COA1: variants seen among roughly 807,000 people sequenced by gnomAD.
COA1 encodes the protein cytochrome c oxidase assembly factor 1 homolog.
In COA1, 13 loss-of-function variants were observed where a neutral mutation model predicts 16.0. The observed-to-expected ratio is 0.81, with a 90% CI of 0.53 to 1.29. The LOEUF (loss-of-function observed/expected upper bound fraction) is 1.29, where lower values mean the gene tolerates loss of function less well. Among genes scored for constraint, COA1 ranks in the 50% most tolerant of loss-of-function variants. COA1 has a pLI of 0.00. For synonymous variants in COA1, 65 were observed against 65.7 expected (o/e 0.99, Z 0.05); for missense variants, 179 against 177.0 (o/e 1.01, Z -0.06).
At chr7:43,684,767 AG>A (rs1563360112) in intron 1 of COA1, among the ~76,000 whole-genome samples, 1 of 152,210 alleles carries the variant, frequency 6.6e-6, no homozygotes, top group Non-Finnish European at 1.5e-5. Context: ...CACACTCTAT[AG>A]TACATAAGAA....
intron 4 of COA1, among the ~76,000 whole-genome samples, chr7:43,642,938 G>A (rs763649334): frequency 3.3e-5 from 5 of 152,162 alleles, no homozygotes; most frequent in Non-Finnish European, 7.3e-5. Flanking sequence ...CTCACAAACC[G>A]CTGATTATAA....
rs541221889 is a variant in COA1, at chr7:43,615,509, C to A, written c.*134-6014G>T. Reference sequence around the variant, plus strand: ...TGTACTATAGTATTTTATTAACATACGAAAACTAAAATTGCCTTGAAAAGT... The same window carrying A: ...TGTACTATAGTATTTTATTAACATAAGAAAACTAAAATTGCCTTGAAAAGT... On this transcript the variant is annotated intron_variant and NMD_transcript_variant, in intron 6 of 6. Coordinates refer to the COA1 transcript ENST00000415076. Among the ~76,000 whole-genome samples, 6 of 152,114 alleles carry A rather than the reference C, an allele frequency of 3.9e-5. No homozygotes were observed. In the East Asian group the frequency reaches 9.7e-4, roughly 25 times the overall value.
intron 1 of COA1, among the ~76,000 whole-genome samples, chr7:43,718,200 T>C (rs567062220): frequency 1.5e-3 from 223 of 152,384 alleles, no homozygotes; most frequent in African/African-American, 5.1e-3. Context: ...ACAAATGTAT[T>C]ATTATTTATT....
intron 6 of COA1, among the ~76,000 whole-genome samples, chr7:43,619,015 TAGA>T (rs1361973596): frequency 1.5e-4 from 23 of 152,284 alleles, no homozygotes; most frequent in East Asian, 7.7e-4. Flanking sequence ...GAGGGATCTG[TAGA>T]AGAAGGAAGA....
At chr7:43,663,972 C>A (rs1452584056) in intron 1 of COA1, among the ~76,000 whole-genome samples, 1 of 152,032 alleles carries the variant, frequency 6.6e-6, no homozygotes, top group Non-Finnish European at 1.5e-5. Flanking sequence ...TGGATGATCC[C>A]TTAAGCCCAG....
intron 1 of COA1, among the ~76,000 whole-genome samples, chr7:43,721,404 A>C (rs1486231982): frequency 6.6e-6 from 1 of 152,208 alleles, no homozygotes; most frequent in Non-Finnish European, 1.5e-5. Flanking sequence ...CAACACTGCC[A>C]CCTGTTGGAA....
intron 6 of COA1, chr7:43,622,656 G>A (rs1271146228): frequency 6.6e-6 from 1 of 150,986 alleles, no homozygotes; most frequent in Non-Finnish European, 1.5e-5. Context: ...TCTTTCTATT[G>A]TGTTTATGTG....
chr7:43,633,168 A>T (rs1050277781), intron 6 of COA1: 1 of 152,240 alleles, frequency 6.6e-6, no homozygotes, highest in East Asian at 1.9e-4. Context: ...TGTTTAGTGT[A>T]GCCACTTTCA....
intron 1 of COA1, among the ~76,000 whole-genome samples, chr7:43,666,071 T>C (rs1013462566): frequency 3.9e-5 from 6 of 152,220 alleles, no homozygotes; most frequent in Admixed American, 2.6e-4. Flanking sequence ...CCCTCACAGA[T>C]ACCTCCAGAA....
chr7:43,610,896 C>G (rs778408675), intron 6 of COA1, among the ~76,000 whole-genome samples: 1 of 152,082 alleles, frequency 6.6e-6, no homozygotes, highest in South Asian at 2.1e-4. Flanking sequence ...GAGGGCAGAT[C>G]GCTTGAGGTC....
chr7:43,689,635 C>T (rs2094186701), intron 1 of COA1, among the ~76,000 whole-genome samples: 1 of 152,088 alleles, frequency 6.6e-6, no homozygotes, highest in Non-Finnish European at 1.5e-5. Context: ...TGTTAAAAGG[C>T]ATATTTTCTC....
At chr7:43,718,564 C>T (rs2095441482) in intron 1 of COA1, among the ~76,000 whole-genome samples, 2 of 152,188 alleles carry the variant, frequency 1.3e-5, no homozygotes, top group African/African-American at 4.8e-5. Context: ...GGAGTGACTT[C>T]CCATACAGAA....
intron 6 of COA1, chr7:43,625,529 T>A (rs1194470935): frequency 1.3e-5 from 2 of 152,210 alleles, no homozygotes; most frequent in East Asian, 1.9e-4. Flanking sequence ...TGGGTTTAGG[T>A]GTCAGCTCTT....
In COA1 at chr7:43,729,452, C is replaced by T. The variant is rs559105420; in HGVS notation, c.-62G>A. The T allele has an allele frequency of 6.6e-6, 1 of 152,314 alleles. No homozygotes were observed. The highest frequency in any genetic ancestry group is 1.9e-4 in the East Asian group (1 of 5,204). 9.4% of individuals were successfully genotyped at this position (152,314 alleles called of 1,614,324 possible). A position where few individuals can be genotyped will look rare whatever the true frequency, so the allele number is the denominator to read the frequency against. On this transcript the variant is annotated 5_prime_UTR_variant, in exon 1 of 6. Transcript: ENST00000223336. ...ACCTGTGAGCAACAGAAGCACCACG[C>T]TACAAAGAGCATGACGAGTTCTTCC... is the stretch of plus-strand genomic sequence containing the variant.
intron 1 of COA1, among the ~76,000 whole-genome samples, chr7:43,724,597 A>G (rs1035708509): frequency 6.6e-6 from 1 of 152,142 alleles, no homozygotes; most frequent in African/African-American, 2.4e-5. Flanking sequence ...AGACATTTGT[A>G]TACCAATGTT....
intron 1 of COA1, among the ~76,000 whole-genome samples, chr7:43,661,408 G>C (rs1226639027): frequency 1.3e-5 from 2 of 152,170 alleles, no homozygotes; most frequent in East Asian, 1.9e-4. Context: ...AGGCCAAAGC[G>C]GGCGGATCAC....
At chr7:43,708,538 T>A (rs2095088890) in intron 1 of COA1, among the ~76,000 whole-genome samples, 1 of 152,190 alleles carries the variant, frequency 6.6e-6, no homozygotes, top group Non-Finnish European at 1.5e-5. Context: ...CTATTTAGTA[T>A]TCTGGCAGGT....
At chr7:43,624,583 C>T (rs1233707345) in intron 6 of COA1, 1 of 1,614,090 alleles carries the variant, frequency 6.2e-7, no homozygotes, top group Admixed American at 1.7e-5. Flanking sequence ...ATTCAAGAGC[C>T]TTCTTTCAGG....
chr7:43,611,218 T>G (rs974549339), intron 6 of COA1, among the ~76,000 whole-genome samples: 4 of 152,256 alleles, frequency 2.6e-5, no homozygotes, highest in African/African-American at 9.6e-5. Flanking sequence ...GTAGTTTCTT[T>G]TTAAATACTA....
Sources: gnomAD v4.1 joint callset for allele counts (sites outside exome capture counted in the v4.1 genomes callset) on GRCh38, gnomAD v4.1.1 for gene constraint, MANE v1.5 for transcripts, NCBI Gene and HGNC (gene_info 2026-07-23, HGNC 2026-07-21) for gene names.